Variants in PXDNL observed in about 807,000 individuals in gnomAD.
The protein encoded by PXDNL is probable oxidoreductase PXDNL.
PXDNL carries 145 observed loss-of-function variants against 150.8 expected under a neutral mutation model. That is an observed-to-expected ratio of 0.96 (90% CI 0.84 to 1.10). PXDNL has a LOEUF of 1.10. Ranked by LOEUF, PXDNL falls within the 50% of genes least tolerant of loss-of-function variation. The pLI is 0.00. For synonymous variants in PXDNL, 757 were observed against 725.7 expected (o/e 1.04, Z -0.69); for missense variants, 2,087 against 1,873.9 (o/e 1.11, Z -2.10).
intron 2 of PXDNL, among the ~76,000 whole-genome samples, chr8:51,607,902 G>A (rs1431501979): frequency 1.5e-4 from 16 of 107,898 alleles, no homozygotes; most frequent in East Asian, 3.0e-4. Flanking sequence ...GGAAGGTGGG[G>A]AGGGAGGGAG....
intron 1 of PXDNL, among the ~76,000 whole-genome samples, chr8:51,789,406 G>A (rs535298561): frequency 7.9e-5 from 12 of 152,248 alleles, no homozygotes; most frequent in South Asian, 2.1e-4. Flanking sequence ...GAGACCGGGC[G>A]TGACACAAGT....
chr8:51,676,339 T>G (rs1375628866), intron 1 of PXDNL, among the ~76,000 whole-genome samples: 1 of 152,090 alleles, frequency 6.6e-6, no homozygotes, highest in Admixed American at 6.5e-5. Context: ...TGCAGTAGCA[T>G]GATTTCGGCT....
chr8:51,620,926 ATTG>A (rs1199478388), intron 2 of PXDNL, among the ~76,000 whole-genome samples: 1 of 152,166 alleles, frequency 6.6e-6, no homozygotes, highest in African/African-American at 2.4e-5. Flanking sequence ...AGGACAATAT[ATTG>A]TTATTTTTGT....
chr8:51,611,107 C>T (rs2130713802), intron 2 of PXDNL, among the ~76,000 whole-genome samples: 1 of 152,176 alleles, frequency 6.6e-6, no homozygotes, highest in South Asian at 2.1e-4. Context: ...TCTCCTATCA[C>T]CTTGAGTTTG....
intron 17 of PXDNL, among the ~76,000 whole-genome samples, chr8:51,387,302 A>G (rs1450379243): frequency 2.0e-5 from 3 of 152,244 alleles, no homozygotes; most frequent in Admixed American, 6.5e-5. Flanking sequence ...GAAATTTAAA[A>G]GCAATGTTAA....
chr8:51,546,108 A>G (rs1812357012), intron 4 of PXDNL, among the ~76,000 whole-genome samples: 1 of 152,190 alleles, frequency 6.6e-6, no homozygotes, highest in Admixed American at 6.5e-5. Flanking sequence ...AGGAAAACCA[A>G]AAGAATTCAC....
intron 1 of PXDNL, among the ~76,000 whole-genome samples, chr8:51,801,691 C>T (rs1398876162): frequency 6.6e-6 from 1 of 152,186 alleles, no homozygotes; most frequent in Non-Finnish European, 1.5e-5. Context: ...GCACAAAGCC[C>T]ATTTGGGTTC....
chr8:51,763,200 G>A (rs757863255), intron 1 of PXDNL, among the ~76,000 whole-genome samples: 11 of 151,894 alleles, frequency 7.2e-5, no homozygotes, highest in Non-Finnish European at 1.5e-4. Context: ...AATATGCAGC[G>A]TTTTGTGACT....
chr8:51,446,197 G>A (rs938200495), intron 12 of PXDNL, among the ~76,000 whole-genome samples: 2 of 152,174 alleles, frequency 1.3e-5, no homozygotes, highest in East Asian at 3.8e-4. Flanking sequence ...GTTGATGCAT[G>A]CAGCAGAGCT....
chr8:51,570,607 C>T (rs1812912377), intron 3 of PXDNL, among the ~76,000 whole-genome samples: 1 of 151,918 alleles, frequency 6.6e-6, no homozygotes, highest in African/African-American at 2.4e-5. Flanking sequence ...TGAAAACCCA[C>T]CAAATCTGAA....
chr8:51,429,496 G>T (rs1809198089), intron 12 of PXDNL, among the ~76,000 whole-genome samples: 1 of 152,088 alleles, frequency 6.6e-6, no homozygotes, highest in Non-Finnish European at 1.5e-5. Context: ...CAGGAGAATT[G>T]CTTGAACTGG....
At chr8:51,551,884 G>T (rs932766421) in intron 4 of PXDNL, among the ~76,000 whole-genome samples, 1 of 152,158 alleles carries the variant, frequency 6.6e-6, no homozygotes, top group Non-Finnish European at 1.5e-5. Flanking sequence ...CAAAGTAAAA[G>T]ACAGCCCACA....
At chr8:51,367,580 AC>A (rs2130771198) in intron 19 of PXDNL, among the ~76,000 whole-genome samples, 1 of 152,326 alleles carries the variant, frequency 6.6e-6, no homozygotes, top group East Asian at 1.9e-4. Context: ...TTCTATAAGA[AC>A]CTAGCCTATG....
intron 14 of PXDNL, 61 bp from the exon 15 acceptor site, chr8:51,413,319 T>G (rs1560511): frequency 0.79 from 757,466 of 956,964 alleles, 300,483 homozygotes; most frequent in East Asian, 0.87. Flanking sequence ...GGCATGATAT[T>G]ATATGAATGG....
chr8:51,744,935 A>G (rs1373608895), intron 1 of PXDNL, among the ~76,000 whole-genome samples: 1 of 3,566 alleles, frequency 2.8e-4, no homozygotes, highest in African/African-American at 3.1e-4. Flanking sequence ...AGAAAAAGAA[A>G]GAAAGAAAGA....
At chr8:51,326,038 C>T (rs1045600253) in intron 21 of PXDNL, among the ~76,000 whole-genome samples, 6 of 152,182 alleles carry the variant, frequency 3.9e-5, no homozygotes, top group African/African-American at 1.4e-4. Context: ...CTGGCTTCTT[C>T]AGTTTCAAGC....
intron 20 of PXDNL, among the ~76,000 whole-genome samples, chr8:51,340,686 A>G (rs1030432872): frequency 2.0e-5 from 3 of 152,248 alleles, no homozygotes; most frequent in African/African-American, 7.2e-5. Context: ...AAAAAAGGGA[A>G]ACAAAGAAAA....
At chr8:51,471,748 A>G (rs1304014211) in intron 8 of PXDNL, among the ~76,000 whole-genome samples, 2 of 149,396 alleles carry the variant, frequency 1.3e-5, no homozygotes, top group Non-Finnish European at 3.0e-5. Context: ...GTGCAGTGGC[A>G]CGATCTCAGC....
intron 19 of PXDNL, among the ~76,000 whole-genome samples, chr8:51,360,540 C>T (rs905326801): frequency 2.0e-5 from 3 of 152,228 alleles, no homozygotes; most frequent in African/African-American, 7.2e-5. Flanking sequence ...TGTGTACACA[C>T]TCATGCATAC....
Sources: allele counts gnomAD v4.1 joint callset (sites outside exome capture counted in the v4.1 genomes callset), GRCh38; gene constraint gnomAD v4.1.1; transcripts MANE v1.5; gene names NCBI Gene and HGNC (gene_info 2026-07-23, HGNC 2026-07-21).